ZSCAN26: variants seen among roughly 807,000 people sequenced by gnomAD.
The protein encoded by ZSCAN26 is zinc finger and SCAN domain-containing protein 26.
ZSCAN26 carries 26 observed loss-of-function variants against 23.0 expected under a neutral mutation model. The observed-to-expected ratio is 1.13, with a 90% CI of 0.83 to 1.57. The LOEUF (loss-of-function observed/expected upper bound fraction) is 1.57. Among genes scored for constraint, ZSCAN26 ranks in the 40% most tolerant of loss-of-function variants. The pLI, the probability that ZSCAN26 is intolerant of heterozygous loss-of-function variation, is 0.00. For synonymous variants in ZSCAN26, 180 were observed against 202.5 expected (o/e 0.89, Z 0.94); for missense variants, 528 against 568.5 (o/e 0.93, Z 0.72).
chr6:28,277,248 C>T lies in ZSCAN26; in HGVS notation c.*152C>T. On this transcript the variant is annotated 3_prime_UTR_variant, in exon 4 of 4. Transcript: ENST00000421553. ...CCTCTATTCTCTCTCCTTTGCTTTC[C>T]TTGAAGTCAGCTTTGGACCACAATA... The T allele has an allele frequency of 1.4e-6, 1 of 731,730 alleles. No individual in the cohort carries two copies. Among genetic ancestry groups the T allele is most frequent in the Non-Finnish European group, 2.2e-6 (1 of 451,932 alleles). 45.3% of individuals were successfully genotyped at this position (731,730 alleles called of 1,614,324 possible). A position where few individuals can be genotyped will look rare whatever the true frequency, so the allele number is the denominator to read the frequency against.
At chr6:28,269,268 A>T (rs1452554799) in intron 1 of ZSCAN26, among the ~76,000 whole-genome samples, 1 of 151,876 alleles carries the variant, frequency 6.6e-6, no homozygotes, top group Non-Finnish European at 1.5e-5. Flanking sequence ...TATAGATATA[A>T]TAATATGAAT....
intron 1 of ZSCAN26, among the ~76,000 whole-genome samples, chr6:28,271,143 A>T (rs1761663690): frequency 6.6e-6 from 1 of 152,040 alleles, no homozygotes; most frequent in African/African-American, 2.4e-5. Context: ...GACCTCCTTG[A>T]CCTTCTGGAT....
In ZSCAN26 at chr6:28,272,338, T is replaced by C; in HGVS notation, c.419T>C (p.Val140Ala). ...GATCTTGGAGAAACAGGACAACAGG[T>C]GGTAAGGGTCAGATGTGCTCTTTTT... Reference protein sequence around the residue: ...QLDLGETGQQVDPDQPKKQKI... With the variant: ...QLDLGETGQQADPDQPKKQKI... Residue 140 changes from valine (V) to alanine (A), a missense_variant and splice_region_variant, in exon 2 of 4, where the codon GTG becomes GCG. Physicochemically the swap from Val to Ala is moderately conservative, Grantham distance 64. Transcript: ENST00000421553. The C allele has an allele frequency of 6.6e-7, 1 of 1,523,084 alleles. No individual in the cohort carries two copies. The highest frequency in any genetic ancestry group is 8.8e-7 in the Non-Finnish European group (1 of 1,133,126). The allele number at this position is 1,523,084 out of a possible 1,614,324, so 94.3% of individuals were successfully genotyped here. A position where few individuals can be genotyped will look rare whatever the true frequency, so the allele number is the denominator to read the frequency against.
chr6:28,269,070 G>A (rs965839946), intron 1 of ZSCAN26, among the ~76,000 whole-genome samples: 5 of 151,380 alleles, frequency 3.3e-5, no homozygotes, highest in African/African-American at 4.9e-5. Flanking sequence ...CCAAGATTGC[G>A]CTGCTGTACT....
intron 1 of ZSCAN26, among the ~76,000 whole-genome samples, chr6:28,269,116 GA>G (rs71778120): frequency 0.53 from 74,368 of 141,060 alleles, 22,694 homozygotes; most frequent in African/African-American, 0.86. Context: ...CCATTTCAAA[GA>G]AAAAAAAAAA....
intron 1 of ZSCAN26, among the ~76,000 whole-genome samples, chr6:28,271,267 C>A (rs1761670440): frequency 6.6e-6 from 1 of 152,244 alleles, no homozygotes; most frequent in African/African-American, 2.4e-5. Flanking sequence ...CCATAACTAA[C>A]TACTACACTG....
At chr6:28,271,054 T>G (rs1761660216) in intron 1 of ZSCAN26, among the ~76,000 whole-genome samples, 1 of 152,230 alleles carries the variant, frequency 6.6e-6, no homozygotes, top group Non-Finnish European at 1.5e-5. Context: ...GGTCACAACA[T>G]GTAAGTGACA....
In ZSCAN26 at chr6:28,271,919, G is replaced by T. The variant is rs1407335898; in HGVS notation, c.-1G>T. 6.5e-7 allele frequency: 1 copy of T among 1,547,846 alleles called. No homozygotes were observed. Among genetic ancestry groups the T allele is most frequent in the Admixed American group, 2.0e-5 (1 of 50,458 alleles). On this transcript the variant is annotated 5_prime_UTR_variant, in exon 2 of 4. Transcript: ENST00000421553. ...ACAAGGAGAACAGTCTGAAGCTGGG[G>T]ATGGCAACAGCATTGGTGAGTGCCC...
Position 28,277,153 on chromosome 6 carries a change from C to G in ZSCAN26, c.*57C>G, listed in dbSNP as rs1397231945. On this transcript the variant is annotated 3_prime_UTR_variant, in exon 4 of 4. Transcript: ENST00000421553. ...AAGGCACATTGACTAGCAAACAGCA[C>G]TTTAGGAAAAGTCACCGTAGCCCAC... is the stretch of plus-strand genomic sequence containing the variant. 1 of 1,538,846 alleles carries G rather than the reference C, an allele frequency of 6.5e-7. No individual in the cohort carries two copies. The highest frequency in any genetic ancestry group is 1.4e-5 in the African/African-American group (1 of 72,596).
In ZSCAN26 at chr6:28,277,947, G is replaced by A. The variant is rs541875072; in HGVS notation, c.*851G>A. The stretch of plus-strand genomic sequence containing the variant: ...AATTGGACTTTTTCCCTTTAATACT[G>A]ATGATGCAATTTTGAAATGTTGCTT... On this transcript the variant is annotated 3_prime_UTR_variant, in exon 4 of 4. Coordinates refer to ENST00000421553, the MANE Select transcript of ZSCAN26 (RefSeq NM_001023560.4). The A allele has an allele frequency of 6.6e-6, 1 of 152,270 alleles. No individual in the cohort carries two copies. Among genetic ancestry groups the A allele is most frequent in the South Asian group, 2.1e-4 (1 of 4,820 alleles). 9.4% of individuals were successfully genotyped at this position (152,270 alleles called of 1,614,324 possible).
intron 2 of ZSCAN26, 63 bp from the exon 3 acceptor site, chr6:28,272,607 G>A: frequency 7.3e-7 from 1 of 1,362,638 alleles, no homozygotes; most frequent in Non-Finnish European, 1.0e-6. Context: ...GTGTTTTACT[G>A]AACAGCAGTT....
In ZSCAN26 at chr6:28,272,103, A is replaced by C; in HGVS notation, c.184A>C (p.Thr62Pro). ...ATTCAGGCAGTTGCGTTATGAAGAG[A>C]CCACAGGACCTCGAGAAGCACTAAG... Reference protein sequence around the residue: ...KQFRQLRYEETTGPREALSRL... With the variant: ...KQFRQLRYEEPTGPREALSRL... Residue 62 changes from threonine to proline, a missense_variant, in exon 2 of 4, where the codon ACC (threonine) becomes CCC (proline). Transcript: ENST00000421553. The C allele has an allele frequency of 6.3e-7, 1 of 1,591,826 alleles. No homozygotes were observed. The highest frequency in any genetic ancestry group is 8.6e-7 in the Non-Finnish European group (1 of 1,168,584).
Position 28,276,388 on chromosome 6 carries a change from C to T in ZSCAN26, c.732C>T (p.His244=), listed in dbSNP as rs753207556. ...CSEREQRFIQ[H]LDLIEHASTH... ...AACGTGAGCAGAGATTCATCCAGCA[C>T]TTGGACCTGATTGAACATGCGAGTA... The change falls in exon 4 of 4, where the codon CAC becomes CAT. Residue 244 remains histidine (H), a synonymous_variant. Transcript: ENST00000421553. 6 of 1,613,880 alleles carry T rather than the reference C, an allele frequency of 3.7e-6. No individual in the cohort carries two copies. The highest frequency in any genetic ancestry group is 5.1e-6 in the Non-Finnish European group (6 of 1,179,882).
At chr6:28,275,541 C>G (rs1354553771) in intron 3 of ZSCAN26, among the ~76,000 whole-genome samples, 1 of 152,156 alleles carries the variant, frequency 6.6e-6, no homozygotes, top group Non-Finnish European at 1.5e-5. Context: ...CAGGGAGCGA[C>G]AGACATGAAT....
rs1309089563 is a variant in ZSCAN26 at position 28,277,017 on chromosome 6, G to C, written c.1361G>C (p.Ser454Thr). The C allele has an allele frequency of 2.5e-6, 4 of 1,613,908 alleles. No homozygotes were observed. Among genetic ancestry groups the C allele is most frequent in the Admixed American group, 3.3e-5 (2 of 60,006 alleles). ...AATGAAGAAAAACCCTATCAGTGTA[G>C]TGAATGTGGAGAAGCCTTCAGGCAA... Reference protein sequence around the residue: ...IHNEEKPYQCSECGEAFRQRS... With the variant: ...IHNEEKPYQCTECGEAFRQRS... The change falls in exon 4 of 4, where the codon AGT becomes ACT. Residue 454 changes from serine (S) to threonine (T), a missense_variant. Physicochemically the swap from Ser to Thr is moderately conservative, Grantham distance 58. Coordinates refer to ENST00000421553, the MANE Select transcript of ZSCAN26 (RefSeq NM_001023560.4).
At chr6:28,268,127 A>G (rs929153970) in intron 1 of ZSCAN26, among the ~76,000 whole-genome samples, 1 of 152,160 alleles carries the variant, frequency 6.6e-6, no homozygotes, top group African/African-American at 2.4e-5. Context: ...TCCCCGTCTC[A>G]ATTTCCTTCT....
chr6:28,271,749 G>C, intron 1 of ZSCAN26, 105 bp from the exon 2 acceptor site: 1 of 622,748 alleles, frequency 1.6e-6, no homozygotes, highest in Non-Finnish European at 2.7e-6. Flanking sequence ...GGTTGTTTTA[G>C]AGAGAAAAAA....
Position 28,272,250 on chromosome 6 carries a change from G to T in ZSCAN26, c.331G>T (p.Val111Leu). 6.2e-7 allele frequency: 1 copy of T among 1,612,226 alleles called. No homozygotes were observed. The highest frequency in any genetic ancestry group is 8.5e-7 in the Non-Finnish European group (1 of 1,179,148). ...IILPKELQARVQEHHPESRED... is the reference protein window; with the variant it reads ...IILPKELQARLQEHHPESRED... The stretch of plus-strand genomic sequence containing the variant: ...CCTGCCTAAGGAGCTCCAGGCCCGG[G>T]TGCAGGAGCATCACCCAGAGAGCAG... The change falls in exon 2 of 4, where the codon GTG (valine) becomes TTG (leucine). Residue 111 changes from valine to leucine, a missense_variant. Physicochemically the swap from Val to Leu is conservative, Grantham distance 32. Transcript: ENST00000421553.
chr6:28,272,599 G>A (rs1458691919), intron 2 of ZSCAN26, 71 bp from the exon 3 acceptor site: 1 of 1,293,428 alleles, frequency 7.7e-7, no homozygotes, highest in African/African-American at 1.5e-5. Flanking sequence ...ACACCTAGGT[G>A]TTTTACTGAA....
Sources: allele counts gnomAD v4.1 joint callset (sites outside exome capture counted in the v4.1 genomes callset), GRCh38; gene constraint gnomAD v4.1.1; transcripts MANE v1.5; gene names NCBI Gene and HGNC (gene_info 2026-07-23, HGNC 2026-07-21).